GALNT18: variants seen among roughly 807,000 people sequenced by gnomAD.
GALNT18 encodes the protein polypeptide N-acetylgalactosaminyltransferase 18.
A neutral mutation model predicts 69.5 loss-of-function variants in GALNT18; 44 were observed. The ratio of observed to expected loss-of-function variants is 0.63; its 90% confidence interval spans 0.50 to 0.81. The LOEUF (loss-of-function observed/expected upper bound fraction) is 0.81. Among genes scored for constraint, GALNT18 ranks in the 40% least tolerant of loss-of-function variants. GALNT18 has a pLI of 0.00. For missense variants in GALNT18, 715 were observed against 810.0 expected (o/e 0.88, Z 1.42); for synonymous variants, 364 against 318.2 (o/e 1.14, Z -1.53).
chr11:11,492,408 C>G (rs1856789605), intron 1 of GALNT18, among the ~76,000 whole-genome samples: 2 of 152,250 alleles, frequency 1.3e-5, no homozygotes, highest in Admixed American at 6.5e-5. Context: ...CAGGGAAGAA[C>G]TGGCTCAAGC....
At position 11,347,377 on chromosome 11, in the gene GALNT18, G is replaced by A. The variant is rs1850322131; in HGVS notation, c.1093-6373C>T. On this transcript the variant is annotated intron_variant, in intron 6 of 10. Coordinates refer to ENST00000227756, the MANE Select transcript of GALNT18 (RefSeq NM_198516.3). The surrounding 1 kb of genome is among the most constrained non-coding windows in gnomAD (Gnocchi z 4.0). ...TGACTGCTCCATAGTCTATGACAGG[G>A]ATGGCAAATGAGTTTACACTCCTGT... Among the ~76,000 whole-genome samples the A allele has an allele frequency of 6.6e-6, 1 of 152,210 alleles. No homozygotes were observed. Among genetic ancestry groups the A allele is most frequent in the Admixed American group, 6.5e-5 (1 of 15,286 alleles).
chr11:11,474,852 C>A (rs184410950), intron 1 of GALNT18, among the ~76,000 whole-genome samples: 1 of 152,196 alleles, frequency 6.6e-6, no homozygotes, highest in African/African-American at 2.4e-5. Flanking sequence ...TACATTTAAT[C>A]TATTCTAGAA....
chr11:11,306,336 G>C (rs189300171), intron 9 of GALNT18, among the ~76,000 whole-genome samples: 2 of 152,198 alleles, frequency 1.3e-5, no homozygotes, highest in African/African-American at 4.8e-5. Flanking sequence ...GAAGGATGTA[G>C]GAAAGAACAC....
At position 11,338,625 on chromosome 11, in the gene GALNT18, G is replaced by A. The variant is rs908647728; in HGVS notation, c.1278+2194C>T. 6.6e-6 allele frequency among the ~76,000 whole-genome samples: 1 copy of A among 152,214 alleles called. No individual in the cohort carries two copies. Among genetic ancestry groups the A allele is most frequent in the Admixed American group, 6.5e-5 (1 of 15,284 alleles). On this transcript the variant is annotated intron_variant, in intron 7 of 10. Transcript: ENST00000227756. The surrounding 1 kb of genome is among the most constrained non-coding windows in gnomAD (Gnocchi z 5.3). ...TTGGCTGGTCAGAGTCATTCTGAGT[G>A]CCTGTGGGAATGGCCAAGAGGAGAT... is the stretch of plus-strand genomic sequence containing the variant.
At chr11:11,558,301 T>C (rs1858382711) in intron 1 of GALNT18, among the ~76,000 whole-genome samples, 1 of 152,204 alleles carries the variant, frequency 6.6e-6, no homozygotes, top group Admixed American at 6.5e-5. Flanking sequence ...GGTCTTGCAA[T>C]AGAGAAAAGG....
At chr11:11,556,344 G>A (rs1590096327) in intron 1 of GALNT18, among the ~76,000 whole-genome samples, 1 of 152,214 alleles carries the variant, frequency 6.6e-6, no homozygotes, top group Middle Eastern at 3.2e-3. Flanking sequence ...CCGGGCAGCC[G>A]TGACAGTAGC....
chr11:11,615,670 A>T (rs1015119689), intron 1 of GALNT18, among the ~76,000 whole-genome samples: 13 of 152,252 alleles, frequency 8.5e-5, no homozygotes, highest in African/African-American at 3.1e-4. Flanking sequence ...TTTTTAAAGA[A>T]GTACAACTTT....
intron 6 of GALNT18, among the ~76,000 whole-genome samples, chr11:11,343,700 T>A (rs1268912464): frequency 6.6e-6 from 1 of 152,170 alleles, no homozygotes; most frequent in Non-Finnish European, 1.5e-5. Flanking sequence ...GGGTAATGAT[T>A]CTTTTTGCCA....
rs112792148 is a variant in GALNT18, at chr11:11,308,952, T to C, written c.1513-15759A>G. Among the ~76,000 whole-genome samples the C allele has an allele frequency of 5.9e-4, 90 of 152,228 alleles. 1 individual carries two copies. The highest frequency in any genetic ancestry group is 2.2e-3 in the African/African-American group (90 of 41,544). On this transcript the variant is annotated intron_variant, in intron 9 of 10. Coordinates refer to ENST00000227756, the MANE Select transcript of GALNT18 (RefSeq NM_198516.3). The stretch of plus-strand genomic sequence containing the variant: ...AAACTACTTTACCTCTGAAGTCTAA[T>C]ACTCCATTGCCCTACTTTTGCCCAA...
At chr11:11,531,101 T>C (rs1306296895) in intron 1 of GALNT18, among the ~76,000 whole-genome samples, 2 of 152,146 alleles carry the variant, frequency 1.3e-5, no homozygotes, top group African/African-American at 4.8e-5. Flanking sequence ...TCCTCCTGAG[T>C]GTGCTGCTGT....
chr11:11,493,147 GC>G (rs1367815930), intron 1 of GALNT18, among the ~76,000 whole-genome samples: 1 of 151,656 alleles, frequency 6.6e-6, no homozygotes, highest in Non-Finnish European at 1.5e-5. Flanking sequence ...TGTAGTCCCA[GC>G]TACTCGGAAG....
chr11:11,279,730 TCTGGGAAGAAGGGA>T lies in GALNT18; in HGVS notation c.1678-8454_1678-8441del, dbSNP rs549914190. Among the ~76,000 whole-genome samples, 23 of 152,284 alleles carry T rather than the reference TCTGGGAAGAAGGGA, an allele frequency of 1.5e-4. No individual in the cohort carries two copies. The South Asian group carries it at 4.4e-3, about 29-fold the overall frequency. ...TGTGAAAGTCAGGATGGTGGTCAGC[TCTGGGAAGAAGGGA>T]CTGGGAAGGTGATGGGCAGGAAATC... On this transcript the variant is annotated intron_variant, in intron 10 of 10. Transcript: ENST00000227756.
At position 11,459,252 on chromosome 11, in the gene GALNT18, C is replaced by T. The variant is rs921713456; in HGVS notation, c.236-10316G>A. ...TTTGCCAATGGTCCCCACAATTAGG[C>T]TTTCTCTTCCTGGAATCCTCAGAGC... is the stretch of plus-strand genomic sequence containing the variant. On this transcript the variant is annotated intron_variant, in intron 1 of 10. Transcript: ENST00000227756. This position sits in a 1 kb window ranked among gnomAD's most constrained non-coding sequence, Gnocchi z 5.0. Among the ~76,000 whole-genome samples, 1 of 152,166 alleles carries T rather than the reference C, an allele frequency of 6.6e-6. No homozygotes were observed. The highest frequency in any genetic ancestry group is 2.4e-5 in the African/African-American group (1 of 41,448).
intron 6 of GALNT18, among the ~76,000 whole-genome samples, chr11:11,342,536 C>A (rs1293968887): frequency 1.3e-5 from 2 of 152,326 alleles, no homozygotes; most frequent in South Asian, 4.2e-4. Context: ...CCATGTCACA[C>A]CAGTTGGCCC....
At chr11:11,581,565 CCTTGGCAGGA>C (rs1241406679) in intron 1 of GALNT18, among the ~76,000 whole-genome samples, 1 of 152,022 alleles carries the variant, frequency 6.6e-6, no homozygotes, top group African/African-American at 2.4e-5. Context: ...CACCCCCAGC[CCTTGGCAGGA>C]CTTGGTCACC....
chr11:11,412,743 T>C (rs1249489402), intron 3 of GALNT18, among the ~76,000 whole-genome samples: 1 of 152,236 alleles, frequency 6.6e-6, no homozygotes, highest in Non-Finnish European at 1.5e-5. Flanking sequence ...ACTGATATCC[T>C]TGGAGCCTCC....
At chr11:11,290,024 C>T (rs558088163) in intron 10 of GALNT18, among the ~76,000 whole-genome samples, 3 of 152,336 alleles carry the variant, frequency 2.0e-5, no homozygotes, top group East Asian at 3.9e-4. Context: ...CTACAAGTGC[C>T]TGGCTGGGCT....
At chr11:11,483,088 G>A (rs1856567949) in intron 1 of GALNT18, among the ~76,000 whole-genome samples, 1 of 152,190 alleles carries the variant, frequency 6.6e-6, no homozygotes. Context: ...GAAGCTATGG[G>A]TTTGCCAGTC....
At chr11:11,466,115 G>C (rs1211271438) in intron 1 of GALNT18, among the ~76,000 whole-genome samples, 1 of 151,968 alleles carries the variant, frequency 6.6e-6, no homozygotes, top group Non-Finnish European at 1.5e-5. Context: ...GCATGACCAT[G>C]TGTGATTAAC....
Sources: gnomAD v4.1 joint callset for allele counts (sites outside exome capture counted in the v4.1 genomes callset) on GRCh38, gnomAD v4.1.1 for gene constraint, Gnocchi (gnomAD v3.1) non-coding constraint, MANE v1.5 for transcripts, NCBI Gene and HGNC (gene_info 2026-07-23, HGNC 2026-07-21) for gene names.